The following VSNL1 variants were observed in gnomAD, a reference collection of about 807,000 sequenced individuals.
VSNL1 encodes the protein visinin-like protein 1.
A neutral mutation model predicts 20.4 loss-of-function variants in VSNL1; 6 were observed. That is an observed-to-expected ratio of 0.29 (90% CI 0.16 to 0.58). VSNL1 has a LOEUF of 0.58. VSNL1 is among the 20% of genes least tolerant of loss of function. VSNL1 has a pLI of 0.90. For missense variants in VSNL1, 100 were observed against 234.5 expected, an observed-to-expected ratio of 0.43 and a Z score of 3.75; for synonymous variants, 93 against 86.4, an observed-to-expected ratio of 1.08 and a Z score of -0.42.
intron 2 of VSNL1, among the ~76,000 whole-genome samples, chr2:17,601,092 A>G (rs1014614226): frequency 5.9e-5 from 9 of 152,088 alleles, no homozygotes; most frequent in Non-Finnish European, 1.2e-4. Context: ...ATTTAGAGAG[A>G]TATCAGTGGT....
intron 2 of VSNL1, among the ~76,000 whole-genome samples, chr2:17,627,411 C>T (rs759782270): frequency 1.3e-5 from 2 of 152,162 alleles, no homozygotes; most frequent in Non-Finnish European, 2.9e-5. Flanking sequence ...TATCAAGACA[C>T]GGGAATTGCA....
chr2:17,595,754 A>G (rs1304320337), intron 2 of VSNL1, among the ~76,000 whole-genome samples: 2 of 152,156 alleles, frequency 1.3e-5, no homozygotes, highest in Non-Finnish European at 2.9e-5. Flanking sequence ...ACACAGAGAC[A>G]TACATAGGAA....
chr2:17,644,859 A>T (rs1041247796), intron 2 of VSNL1, among the ~76,000 whole-genome samples: 6 of 152,238 alleles, frequency 3.9e-5, no homozygotes, highest in Non-Finnish European at 7.3e-5. Context: ...CAGCAGGGTA[A>T]GGGGAGATAA....
chr2:17,654,887 G>C (rs1666192852), intron 3 of VSNL1, among the ~76,000 whole-genome samples: 1 of 152,180 alleles, frequency 6.6e-6, no homozygotes, highest in Admixed American at 6.5e-5. Context: ...TATTTATTGA[G>C]ACCTGTGATG....
intron 2 of VSNL1, among the ~76,000 whole-genome samples, chr2:17,612,055 A>G (rs886983160): frequency 4.4e-5 from 6 of 137,868 alleles, no homozygotes; most frequent in African/African-American, 1.5e-4. Flanking sequence ...CATGTTCTTC[A>G]TGCACTCTGT....
At chr2:17,545,255 C>T (rs901090503) in intron 1 of VSNL1, among the ~76,000 whole-genome samples, 13 of 151,566 alleles carry the variant, frequency 8.6e-5, no homozygotes, top group Admixed American at 1.3e-4. Flanking sequence ...TTGTTAGTAA[C>T]GAAAAAAACT....
chr2:17,544,631 G>A (rs1330163062), intron 1 of VSNL1, among the ~76,000 whole-genome samples: 2 of 152,172 alleles, frequency 1.3e-5, no homozygotes, highest in African/African-American at 4.8e-5. Flanking sequence ...TTCAGCATCA[G>A]TATCAAACAT....
chr2:17,565,549 A>C lies in VSNL1; in HGVS notation c.-6+24631A>C, dbSNP rs1663916743. 2.6e-5 allele frequency among the ~76,000 whole-genome samples: 4 copies of C among 152,248 alleles called. No individual in the cohort carries two copies. The South Asian group carries it at 8.3e-4, about 32-fold the overall frequency. On this transcript the variant is annotated intron_variant, in intron 1 of 3. Transcript: ENST00000295156. The stretch of plus-strand genomic sequence containing the variant: ...TATCATTCACCAAATTGCTTCTCTC[A>C]AAAGTACTTTTAGATCATGTTTATT...
At chr2:17,575,380 T>C (rs1421376779) in intron 1 of VSNL1, among the ~76,000 whole-genome samples, 1 of 152,192 alleles carries the variant, frequency 6.6e-6, no homozygotes, top group Admixed American at 6.5e-5. Context: ...CATAAAATAA[T>C]TGAAATAACA....
At chr2:17,555,442 A>G (rs1472774816) in intron 1 of VSNL1, among the ~76,000 whole-genome samples, 2 of 152,170 alleles carry the variant, frequency 1.3e-5, no homozygotes, top group East Asian at 3.9e-4. Flanking sequence ...CTTTGCCTGT[A>G]TGATCATTGC....
chr2:17,590,658 T>A (rs866372005), intron 1 of VSNL1, among the ~76,000 whole-genome samples: 1 of 152,104 alleles, frequency 6.6e-6, no homozygotes, highest in Admixed American at 6.5e-5. Flanking sequence ...AGTGAAAGAA[T>A]TGGCCAATGT....
intron 3 of VSNL1, among the ~76,000 whole-genome samples, chr2:17,651,951 G>A (rs532892530): frequency 2.0e-5 from 3 of 152,314 alleles, no homozygotes; most frequent in East Asian, 1.9e-4. Flanking sequence ...GTAAATTAGC[G>A]TGATCTTTTC....
At chr2:17,548,067 T>C (rs754657982) in intron 1 of VSNL1, among the ~76,000 whole-genome samples, 10 of 152,114 alleles carry the variant, frequency 6.6e-5, no homozygotes, top group Non-Finnish European at 1.3e-4. Context: ...GACTAATCAT[T>C]CAATGTGTGT....
At chr2:17,556,867 G>A (rs1663691493) in intron 1 of VSNL1, among the ~76,000 whole-genome samples, 1 of 152,160 alleles carries the variant, frequency 6.6e-6, no homozygotes, top group African/African-American at 2.4e-5. Context: ...CTGGCCAAAG[G>A]AGAAAGATAT....
At position 17,626,750 on chromosome 2, in the gene VSNL1, T is replaced by C. The variant is rs1332806749; in HGVS notation, c.163-22660T>C. On this transcript the variant is annotated intron_variant, in intron 2 of 3. Transcript: ENST00000295156. ...AATGAAGTGCTTACTACCTTTTATT[T>C]TCAGTTTGGAGCATTGTCCACAATT... 5.3e-5 allele frequency among the ~76,000 whole-genome samples: 8 copies of C among 152,340 alleles called. No individual in the cohort carries two copies. In the South Asian group the frequency reaches 1.2e-3, roughly 24 times the overall value.
intron 1 of VSNL1, among the ~76,000 whole-genome samples, chr2:17,577,173 C>T (rs1664233776): frequency 1.3e-5 from 2 of 152,154 alleles, no homozygotes; most frequent in East Asian, 1.9e-4. Context: ...TATGGGACCA[C>T]CATCATATAT....
chr2:17,551,932 C>G (rs1055597314), intron 1 of VSNL1, among the ~76,000 whole-genome samples: 8 of 145,732 alleles, frequency 5.5e-5, no homozygotes, highest in Non-Finnish European at 1.0e-4. Flanking sequence ...GGCGTGGTGG[C>G]TCACCCCTGT....
chr2:17,560,188 G>A (rs1057500080), intron 1 of VSNL1, among the ~76,000 whole-genome samples: 1 of 84,182 alleles, frequency 1.2e-5, no homozygotes, highest in Non-Finnish European at 2.4e-5. Flanking sequence ...AAAGACAATA[G>A]GAAAACATCA....
chr2:17,546,829 G>T (rs992454971), intron 1 of VSNL1, among the ~76,000 whole-genome samples: 3 of 151,980 alleles, frequency 2.0e-5, no homozygotes, highest in Non-Finnish European at 4.4e-5. Context: ...GTTAATGGAA[G>T]ACTATCAATT....
Sources: allele counts gnomAD v4.1 joint callset (sites outside exome capture counted in the v4.1 genomes callset), GRCh38; gene constraint gnomAD v4.1.1; transcripts MANE v1.5; gene names NCBI Gene and HGNC (gene_info 2026-07-23, HGNC 2026-07-21).